The following ROBO2 variants were observed in gnomAD, a reference collection of about 807,000 sequenced individuals.
ROBO2 encodes roundabout homolog 2.
In ROBO2, 53 loss-of-function variants were observed where a neutral mutation model predicts 160.8. The ratio of observed to expected loss-of-function variants is 0.33; its 90% CI spans 0.26 to 0.41. The LOEUF (loss-of-function observed/expected upper bound fraction) is 0.41. Among genes scored for constraint, ROBO2 ranks in the 10% least tolerant of loss-of-function variants. The probability of loss-of-function intolerance (pLI) is 1.00; values close to 1 mark genes in which losing one functional copy is unlikely to be tolerated. For synonymous variants in ROBO2, 664 were observed against 611.7 expected (o/e 1.09, Z -1.26); for missense variants, 1,577 against 1,722.4 (o/e 0.92, Z 1.49).
intron 2 of ROBO2, among the ~76,000 whole-genome samples, chr3:76,243,451 A>G (rs1174693163): frequency 6.6e-6 from 1 of 152,230 alleles, no homozygotes; most frequent in Non-Finnish European, 1.5e-5. Flanking sequence ...CACATCTCTC[A>G]TTATCACTTA....
intron 2 of ROBO2, among the ~76,000 whole-genome samples, chr3:76,738,774 A>G (rs917807317): frequency 1.3e-5 from 2 of 152,216 alleles, no homozygotes; most frequent in Admixed American, 1.3e-4. Flanking sequence ...GAAATAGTGC[A>G]AAATCTCATG....
intron 2 of ROBO2, among the ~76,000 whole-genome samples, chr3:76,053,868 CAT>C (rs1239071264): frequency 6.6e-6 from 1 of 152,022 alleles, no homozygotes; most frequent in East Asian, 1.9e-4. Flanking sequence ...CAGTACTACT[CAT>C]AAAACAGCTT....
At chr3:77,507,549 T>A (rs2088738835) in intron 5 of ROBO2, among the ~76,000 whole-genome samples, 1 of 152,210 alleles carries the variant, frequency 6.6e-6, no homozygotes, top group South Asian at 2.1e-4. Context: ...TGGATTCTTG[T>A]GGATGTGATC....
At chr3:77,207,365 TAGTA>T (rs1236513625) in intron 2 of ROBO2, among the ~76,000 whole-genome samples, 3 of 152,180 alleles carry the variant, frequency 2.0e-5, no homozygotes, top group Non-Finnish European at 4.4e-5. Flanking sequence ...ACATTTTTCA[TAGTA>T]AGCGTCAATT....
intron 2 of ROBO2, among the ~76,000 whole-genome samples, chr3:77,400,495 G>A (rs116203180): frequency 6.6e-6 from 1 of 152,106 alleles, no homozygotes; most frequent in Non-Finnish European, 1.5e-5. Flanking sequence ...GAGCCAGTAC[G>A]TTCACTTTAG....
chr3:76,332,388 T>C (rs1326164524), intron 2 of ROBO2, among the ~76,000 whole-genome samples: 2 of 152,212 alleles, frequency 1.3e-5, no homozygotes, highest in African/African-American at 2.4e-5. Context: ...ACATTTAAAA[T>C]GTCAATATAA....
chr3:77,418,169 A>T (rs1458915969), intron 2 of ROBO2, among the ~76,000 whole-genome samples: 1 of 151,652 alleles, frequency 6.6e-6, no homozygotes, highest in East Asian at 1.9e-4. Context: ...GTATGTGAAA[A>T]AGTCACAGCA....
chr3:77,293,053 GT>G (rs1479686517), intron 2 of ROBO2, among the ~76,000 whole-genome samples: 2 of 150,670 alleles, frequency 1.3e-5, no homozygotes. Flanking sequence ...GGTTAAATGG[GT>G]AAGCTGAGGC....
rs111700594 is a variant in ROBO2 at position 75,910,443 on chromosome 3, A to G, written c.-14+3483A>G. ...ATCCTTTCTTAAAAGTACCATGTTC[A>G]TGTAGTTGCTCATTTTAATATGAGT... On this transcript the variant is annotated intron_variant, in intron 1 of 26. Coordinates refer to the ROBO2 transcript ENST00000487694. Among the ~76,000 whole-genome samples the G allele has an allele frequency of 5.2e-3, 789 of 152,318 alleles. 3 individuals carry two copies. Among genetic ancestry groups the G allele is most frequent in the Non-Finnish European group, 7.8e-3 (531 of 68,018 alleles).
intron 2 of ROBO2, among the ~76,000 whole-genome samples, chr3:76,796,295 A>G (rs551257985): frequency 2.6e-5 from 4 of 152,178 alleles, no homozygotes; most frequent in African/African-American, 9.6e-5. Flanking sequence ...TATGTTTTTT[A>G]GTGTAGCCAC....
intron 2 of ROBO2, among the ~76,000 whole-genome samples, chr3:76,905,113 C>T: frequency 6.6e-6 from 1 of 152,096 alleles, no homozygotes; most frequent in East Asian, 1.9e-4. Flanking sequence ...CTCTCTTAGA[C>T]ATTACTTTGC....
intron 2 of ROBO2, among the ~76,000 whole-genome samples, chr3:77,310,598 T>A (rs182822086): frequency 3.7e-4 from 57 of 152,272 alleles, no homozygotes; most frequent in Admixed American, 1.2e-3. Flanking sequence ...ATTGTGTCTT[T>A]CAGAAAAATT....
At chr3:76,126,895 T>G (rs1412552439) in intron 2 of ROBO2, among the ~76,000 whole-genome samples, 1 of 152,126 alleles carries the variant, frequency 6.6e-6, no homozygotes, top group Non-Finnish European at 1.5e-5. Flanking sequence ...TTCATTAATT[T>G]GAAAAAACTA....
intron 2 of ROBO2, among the ~76,000 whole-genome samples, chr3:76,166,312 G>A (rs1192555789): frequency 6.6e-6 from 1 of 152,080 alleles, no homozygotes; most frequent in South Asian, 2.1e-4. Flanking sequence ...CATGGGACAG[G>A]GATAATCCCA....
At chr3:76,251,825 C>G (rs1706022496) in intron 2 of ROBO2, among the ~76,000 whole-genome samples, 1 of 152,044 alleles carries the variant, frequency 6.6e-6, no homozygotes, top group African/African-American at 2.4e-5. Context: ...AAGATGCTGT[C>G]AGGTGCAGAT....
chr3:76,395,124 G>A (rs887340380), intron 2 of ROBO2, among the ~76,000 whole-genome samples: 1 of 151,932 alleles, frequency 6.6e-6, no homozygotes, highest in Admixed American at 6.6e-5. Flanking sequence ...ATAACAAACT[G>A]TCTCTCAGAC....
intron 2 of ROBO2, among the ~76,000 whole-genome samples, chr3:76,680,969 G>A (rs2092546347): frequency 6.6e-6 from 1 of 151,886 alleles, no homozygotes; most frequent in Non-Finnish European, 1.5e-5. Context: ...TAGAGACAGG[G>A]TTTCAGTATG....
chr3:77,355,990 A>C (rs544952606), intron 2 of ROBO2, among the ~76,000 whole-genome samples: 1 of 152,068 alleles, frequency 6.6e-6, no homozygotes, highest in Non-Finnish European at 1.5e-5. Flanking sequence ...TCCAATATAC[A>C]TATAAAAATA....
chr3:77,461,071 C>A (rs1458191256), intron 2 of ROBO2, among the ~76,000 whole-genome samples: 1 of 151,890 alleles, frequency 6.6e-6, no homozygotes, highest in Non-Finnish European at 1.5e-5. Flanking sequence ...TTTCATATGA[C>A]TATTTTTTAT....
Sources: allele counts gnomAD v4.1 joint callset (sites outside exome capture counted in the v4.1 genomes callset), GRCh38; gene constraint gnomAD v4.1.1; transcripts MANE v1.5; gene names NCBI Gene and HGNC (gene_info 2026-07-23, HGNC 2026-07-21).